SHROOM3: variants seen among roughly 807,000 people sequenced by gnomAD.
SHROOM3 encodes the protein protein Shroom3.
A neutral mutation model predicts 138.6 loss-of-function variants in SHROOM3; 47 were observed. That is an observed-to-expected ratio of 0.34 (90% CI 0.27 to 0.43). The LOEUF (loss-of-function observed/expected upper bound fraction) is 0.43, where lower values mean the gene tolerates loss of function less well. SHROOM3 is among the 20% of genes least tolerant of loss of function. The pLI is 1.00. For synonymous variants in SHROOM3, 1,062 were observed against 1,063.3 expected, an observed-to-expected ratio of 1.00 and a Z score of 0.02; for missense variants, 2,491 against 2,596.5, an observed-to-expected ratio of 0.96 and a Z score of 0.88.
rs891637747 is a variant in SHROOM3 at position 76,740,026 on chromosome 4, G to C, written c.1853G>C (p.Arg618Thr). 1.2e-6 allele frequency: 2 copies of C among 1,613,938 alleles called. No homozygotes were observed. Among genetic ancestry groups the C allele is most frequent in the Non-Finnish European group, 8.5e-7 (1 of 1,180,050 alleles). Residue 618 changes from arginine to threonine, a missense_variant, in exon 5 of 11, where the codon AGA becomes ACA. This residue lies in a region of SHROOM3 where 1,733 missense variants were observed against 1,661.6 expected (regional missense o/e 1.04). Coordinates refer to ENST00000296043, the MANE Select transcript of SHROOM3 (RefSeq NM_020859.4). This position sits in a 1 kb window ranked among gnomAD's most constrained non-coding sequence, Gnocchi z 4.0. ...GCCTGGCAAGCGGGTGAAGACAAGA[G>C]ATCTTCCAGGCTCTCAGAGCCCTGG... The part of the protein sequence containing the change: ...AQAWQAGEDK[R>T]SSRLSEPWEG...
At chr4:76,695,865 G>T (rs1332705660) in intron 2 of SHROOM3, among the ~76,000 whole-genome samples, 2 of 152,166 alleles carry the variant, frequency 1.3e-5, no homozygotes, top group Non-Finnish European at 2.9e-5. Context: ...TGCCACGTTG[G>T]TCTATTTCCA....
chr4:76,728,221 T>C (rs11735775), intron 3 of SHROOM3, among the ~76,000 whole-genome samples: 11,020 of 152,198 alleles, frequency 0.072, 511 homozygotes, highest in Non-Finnish European at 0.11. Context: ...AGAGGTATGG[T>C]GATATGGTTT....
chr4:76,601,476 T>C (rs187619841), intron 2 of SHROOM3, among the ~76,000 whole-genome samples: 54 of 152,350 alleles, frequency 3.5e-4, no homozygotes, highest in South Asian at 2.7e-3. Context: ...ATCCTGTTAA[T>C]TGAAATTATT....
chr4:76,489,580 T>G (rs1475399473), intron 1 of SHROOM3, among the ~76,000 whole-genome samples: 1 of 152,218 alleles, frequency 6.6e-6, no homozygotes, highest in Non-Finnish European at 1.5e-5. Flanking sequence ...AAGCATAATG[T>G]GCTTTGAAAG....
chr4:76,562,237 C>A (rs1210774333), intron 2 of SHROOM3, among the ~76,000 whole-genome samples: 1 of 152,130 alleles, frequency 6.6e-6, no homozygotes, highest in Non-Finnish European at 1.5e-5. Flanking sequence ...TTCCTCCCTC[C>A]TAACAAAAAT....
At chr4:76,744,919 G>C (rs1461531759) in intron 5 of SHROOM3, among the ~76,000 whole-genome samples, 1 of 151,810 alleles carries the variant, frequency 6.6e-6, no homozygotes, top group African/African-American at 2.4e-5. Context: ...ATGGAAATCA[G>C]TTCCTCTGTA....
In SHROOM3 at chr4:76,435,791, C is replaced by G; in HGVS notation, c.-262C>G. The G allele has an allele frequency of 2.2e-6, 1 of 444,836 alleles. No homozygotes were observed. Among genetic ancestry groups the G allele is most frequent in the Non-Finnish European group, 4.0e-6 (1 of 247,464 alleles). The allele number at this position is 444,836 out of a possible 1,614,324, so 27.6% of individuals were successfully genotyped here. ...TTGACGAACGGAGTAGAGATGTATA[C>G]CACTTGGGGGCTTCAGTGAGAACCC... On this transcript the variant is annotated 5_prime_UTR_variant, in exon 1 of 11. It introduces an in-frame stop codon into an upstream open reading frame of the 5' UTR. Coordinates refer to ENST00000296043, the MANE Select transcript of SHROOM3 (RefSeq NM_020859.4).
intron 3 of SHROOM3, among the ~76,000 whole-genome samples, chr4:76,720,938 T>A (rs1368504764): frequency 1.3e-5 from 2 of 152,002 alleles, no homozygotes; most frequent in Non-Finnish European, 2.9e-5. Flanking sequence ...ACAGTGACAT[T>A]TAATTGTTCA....
intron 2 of SHROOM3, among the ~76,000 whole-genome samples, chr4:76,558,986 C>T (rs1733545866): frequency 6.6e-6 from 1 of 152,178 alleles, no homozygotes; most frequent in African/African-American, 2.4e-5. Flanking sequence ...CCAACGTTCT[C>T]CTCTCCATTT....
intron 1 of SHROOM3, among the ~76,000 whole-genome samples, chr4:76,504,708 G>C (rs1448423453): frequency 6.6e-6 from 1 of 152,024 alleles, no homozygotes; most frequent in African/African-American, 2.4e-5. Context: ...TCCCTGAAAG[G>C]GTACTTTTCT....
At chr4:76,563,480 A>G (rs1374128041) in intron 2 of SHROOM3, among the ~76,000 whole-genome samples, 1 of 152,224 alleles carries the variant, frequency 6.6e-6, no homozygotes. Context: ...GTTGAGCTCC[A>G]GGAGAGGAAG....
chr4:76,689,384 G>GAGCCAGCGCCGA (rs1553937027), intron 2 of SHROOM3, among the ~76,000 whole-genome samples: 1 of 125,476 alleles, frequency 8.0e-6, no homozygotes, highest in Admixed American at 8.6e-5. Flanking sequence ...GAGCCAGCGC[G>GAGCCAGCGCCGA]GCCCCTCGGG....
rs10681383 is a variant in SHROOM3, at chr4:76,652,752, C to CCTCTCT, written c.324-57391_324-57386dup. 3.1e-4 allele frequency among the ~76,000 whole-genome samples: 46 copies of CCTCTCT among 149,558 alleles called. No homozygotes were observed. The East Asian group carries it at 3.7e-3, about 12-fold the overall frequency. ...GATGTAAGAGATACACTTGAGTCTC[C>CCTCTCT]CTCTCTCTCTCTCTCTCTGTGATGT... is the stretch of plus-strand genomic sequence containing the variant. On this transcript the variant is annotated intron_variant, in intron 2 of 10. Coordinates refer to ENST00000296043, the MANE Select transcript of SHROOM3 (RefSeq NM_020859.4).
intron 1 of SHROOM3, among the ~76,000 whole-genome samples, chr4:76,502,459 C>A (rs961975518): frequency 2.0e-5 from 3 of 152,122 alleles, no homozygotes; most frequent in Non-Finnish European, 2.9e-5. Flanking sequence ...TCTTGTGGGA[C>A]TGAACCCTCA....
intron 1 of SHROOM3, among the ~76,000 whole-genome samples, chr4:76,476,733 A>T (rs1476748842): frequency 6.6e-6 from 1 of 152,228 alleles, no homozygotes; most frequent in Non-Finnish European, 1.5e-5. Flanking sequence ...AAGAATTAGA[A>T]TATGCAGTCT....
chr4:76,436,220 G>C lies in SHROOM3; in HGVS notation c.168G>C (p.Lys56Asn). 4.3e-6 allele frequency: 7 copies of C among 1,613,838 alleles called. No homozygotes were observed. The highest frequency in any genetic ancestry group is 5.9e-6 in the Non-Finnish European group (7 of 1,179,854). ...LEHGEPLIIS[K>N]VEEGGKADTL... is the part of the protein sequence containing the mutation. ...ACGGAGAACCATTAATCATCTCTAAGGTATGTTTCTTTTTCCAATATTGCC... is the reference window on the plus strand; with the variant it reads ...ACGGAGAACCATTAATCATCTCTAACGTATGTTTCTTTTTCCAATATTGCC... The change falls in exon 1 of 11, where the codon AAG (lysine) becomes AAC (asparagine). Residue 56 changes from lysine to asparagine, a missense_variant and splice_region_variant. By Grantham distance (94) the Lys-to-Asn change is moderately conservative. Coordinates refer to ENST00000296043, the MANE Select transcript of SHROOM3 (RefSeq NM_020859.4).
At chr4:76,470,446 A>C (rs936404527) in intron 1 of SHROOM3, among the ~76,000 whole-genome samples, 3 of 152,246 alleles carry the variant, frequency 2.0e-5, no homozygotes, top group African/African-American at 7.2e-5. Flanking sequence ...TTAGATGACA[A>C]AATAAGTACT....
At chr4:76,559,486 A>G (rs1733556187) in intron 2 of SHROOM3, 1 of 152,170 alleles carries the variant, frequency 6.6e-6, no homozygotes, top group African/African-American at 2.4e-5. Flanking sequence ...TGTGATCTCT[A>G]TACTTTAAAA....
chr4:76,540,816 G>T (rs527484712), intron 1 of SHROOM3, among the ~76,000 whole-genome samples: 2 of 152,150 alleles, frequency 1.3e-5, no homozygotes, highest in South Asian at 4.1e-4. Flanking sequence ...GAAAACTAAA[G>T]CCTAACTATT....
Sources: allele counts gnomAD v4.1 joint callset (sites outside exome capture counted in the v4.1 genomes callset), GRCh38; gene constraint gnomAD v4.1.1; regional missense constraint gnomAD v4.1.1; non-coding constraint Gnocchi (gnomAD v3.1); transcripts MANE v1.5; gene names NCBI Gene and HGNC (gene_info 2026-07-23, HGNC 2026-07-21).